PKP2: variants seen among roughly 807,000 people sequenced by gnomAD.
PKP2 encodes plakophilin-2.
A neutral mutation model predicts 83.4 loss-of-function variants in PKP2; 73 were observed. The observed-to-expected ratio is 0.88, with a 90% CI of 0.72 to 1.06. The LOEUF is 1.06. Ranked by LOEUF, PKP2 falls within the 50% of genes least tolerant of loss-of-function variation. PKP2 has a pLI of 0.00. For missense variants in PKP2, 966 were observed against 1,065.4 expected (o/e 0.91, Z 1.30); for synonymous variants, 409 against 430.4 (o/e 0.95, Z 0.62).
chr12:32,846,245 A>C (rs533753829), intron 5 of PKP2, among the ~76,000 whole-genome samples: 1 of 152,182 alleles, frequency 6.6e-6, no homozygotes, highest in South Asian at 2.1e-4. Context: ...TTGAAGATGA[A>C]CTTCTGAGAC....
intron 10 of PKP2, among the ~76,000 whole-genome samples, chr12:32,797,693 T>C (rs941831297): frequency 5.9e-5 from 9 of 151,322 alleles, no homozygotes; most frequent in African/African-American, 1.9e-4. Context: ...GTAGCTGGGA[T>C]TACAGGTGCC....
intron 1 of PKP2, among the ~76,000 whole-genome samples, chr12:32,885,136 C>T (rs560721047): frequency 9.2e-5 from 14 of 152,178 alleles, no homozygotes; most frequent in East Asian, 3.9e-4. Flanking sequence ...ATTGCGGGGG[C>T]GGGTAATGGT....
chr12:32,860,703 T>C (rs1019417882), intron 4 of PKP2, among the ~76,000 whole-genome samples: 6 of 152,164 alleles, frequency 3.9e-5, no homozygotes, highest in African/African-American at 1.4e-4. Flanking sequence ...ACTGCACATG[T>C]ATCCCAAAGC....
In PKP2 at chr12:32,878,296, G is replaced by A. The variant is rs1041783952; in HGVS notation, c.584C>T (p.Ala195Val). The A allele has an allele frequency of 2.5e-6, 4 of 1,613,586 alleles. No homozygotes were observed. The highest frequency in any genetic ancestry group is 3.4e-6 in the Non-Finnish European group (4 of 1,180,032). Reference protein sequence around the residue: ...RAALLVPPRYARSEIVGVSRA... With the variant: ...RAALLVPPRYVRSEIVGVSRA... ...GCTGACCCCCACGATCTCGGAACGAGCATATCTCGGTGGCACTAGGAGGGC... is the reference window on the plus strand; with the variant it reads ...GCTGACCCCCACGATCTCGGAACGAACATATCTCGGTGGCACTAGGAGGGC... The change falls in exon 3 of 13, where the codon GCT becomes GTT. Residue 195 changes from alanine (A) to valine (V), a missense_variant. Coordinates refer to ENST00000340811, the MANE Select transcript of PKP2 (RefSeq NM_001005242.3).
chr12:32,830,672 C>T (rs1009144613), intron 6 of PKP2, among the ~76,000 whole-genome samples: 13 of 152,026 alleles, frequency 8.6e-5, no homozygotes, highest in South Asian at 4.2e-4. Context: ...TTTGGGAGAC[C>T]GAGGTGGGCA....
chr12:32,816,549 A>G (rs1161048041), intron 9 of PKP2, among the ~76,000 whole-genome samples: 2 of 152,162 alleles, frequency 1.3e-5, no homozygotes, highest in African/African-American at 2.4e-5. Context: ...TGATGAACAT[A>G]TGAGTGCACG....
intron 10 of PKP2, among the ~76,000 whole-genome samples, chr12:32,799,752 G>C (rs1956162640): frequency 6.6e-6 from 1 of 152,194 alleles, no homozygotes; most frequent in African/African-American, 2.4e-5. Flanking sequence ...AAAGGAACAA[G>C]AGTTATATAA....
chr12:32,813,045 G>C (rs1194889265), intron 9 of PKP2, among the ~76,000 whole-genome samples: 1 of 152,104 alleles, frequency 6.6e-6, no homozygotes, highest in Non-Finnish European at 1.5e-5. Context: ...GAGCTTACTA[G>C]AGAAATAAAA....
intron 3 of PKP2, among the ~76,000 whole-genome samples, chr12:32,875,458 T>C (rs1360682071): frequency 6.6e-6 from 1 of 152,070 alleles, no homozygotes; most frequent in South Asian, 2.1e-4. Flanking sequence ...ATGGTGGTGA[T>C]GAATGGCAGA....
At chr12:32,816,900 C>G (rs1956325379) in intron 9 of PKP2, among the ~76,000 whole-genome samples, 1 of 152,082 alleles carries the variant, frequency 6.6e-6, no homozygotes, top group African/African-American at 2.4e-5. Context: ...TGAGAAATGT[C>G]TGTTCATGTC....
At position 32,878,169 on chromosome 12, in the gene PKP2, G is replaced by A. The variant is rs769383600; in HGVS notation, c.711C>T (p.Asn237=). ...GCCTGGGGTACGTGAGCAGGGCCGG[G>A]TTGGCAGGGATGCTGTCAAAAACGG... The part of the protein sequence containing the change: ...SDTVFDSIPA[N]PALLTYPRPG... The change falls in exon 3 of 13, where the codon AAC becomes AAT. Residue 237 remains asparagine, a synonymous_variant. Coordinates refer to ENST00000340811, the MANE Select transcript of PKP2 (RefSeq NM_001005242.3). 5 of 1,614,250 alleles carry A rather than the reference G, an allele frequency of 3.1e-6. No homozygotes were observed. The highest frequency in any genetic ancestry group is 4.2e-6 in the Non-Finnish European group (5 of 1,180,038).
rs749247141 is a variant in PKP2, at chr12:32,824,030, T to G, written c.1674+15A>C. The G allele has an allele frequency of 6.4e-5, 92 of 1,434,062 alleles. No homozygotes were observed. Among genetic ancestry groups the G allele is most frequent in the Non-Finnish European group, 8.6e-5 (88 of 1,017,782 alleles). The allele number at this position is 1,434,062 out of a possible 1,614,324, so 88.8% of individuals were successfully genotyped here. ...TCTTAGTAAGACAAAACAGGATATT[T>G]ATCTCTTGAATTACCTTGTCATCTG... On this transcript the variant is annotated intron_variant, in intron 7 of 12. Coordinates refer to ENST00000340811, the MANE Select transcript of PKP2 (RefSeq NM_001005242.3).
At chr12:32,836,091 C>T (rs994713) in intron 6 of PKP2, among the ~76,000 whole-genome samples, 2,807 of 152,314 alleles carry the variant, frequency 0.018, 43 homozygotes, top group Non-Finnish European at 0.027. Context: ...ATTTATTTTC[C>T]TCTCCTATCT....
chr12:32,846,477 G>A (rs1356176010), intron 5 of PKP2, among the ~76,000 whole-genome samples: 1 of 152,156 alleles, frequency 6.6e-6, no homozygotes, highest in East Asian at 1.9e-4. Context: ...CAGCACAGTG[G>A]CTCACGCCTG....
chr12:32,858,099 A>ATATATATTTATATATATTTTATATT (rs1956768788), intron 4 of PKP2, among the ~76,000 whole-genome samples: 2 of 97,284 alleles, frequency 2.1e-5, no homozygotes, highest in African/African-American at 8.4e-5. Flanking sequence ...ATATATATAT[A>ATATATATTTATATATATTTTATATT]TATATATATA....
intron 6 of PKP2, among the ~76,000 whole-genome samples, chr12:32,838,458 C>T (rs1956561734): frequency 6.7e-6 from 1 of 150,226 alleles, no homozygotes; most frequent in African/African-American, 2.4e-5. Flanking sequence ...CAAACCTGTA[C>T]ATGTACTTCC....
intron 4 of PKP2, among the ~76,000 whole-genome samples, chr12:32,868,537 T>G (rs933228905): frequency 1.3e-5 from 2 of 151,784 alleles, no homozygotes; most frequent in Non-Finnish European, 2.9e-5. Context: ...TTTCTTTTTT[T>G]TCTGAGATGG....
chr12:32,800,895 T>A (rs1956172368), intron 10 of PKP2, among the ~76,000 whole-genome samples: 3 of 152,222 alleles, frequency 2.0e-5, no homozygotes, highest in Admixed American at 6.5e-5. Flanking sequence ...TTTATTTCTC[T>A]AGATGTAAGT....
intron 6 of PKP2, among the ~76,000 whole-genome samples, chr12:32,835,440 A>G (rs1238283267): frequency 6.6e-6 from 1 of 152,178 alleles, no homozygotes; most frequent in African/African-American, 2.4e-5. Context: ...TAACTGCAAT[A>G]CATATTTTAA....
Sources: allele counts gnomAD v4.1 joint callset (sites outside exome capture counted in the v4.1 genomes callset), GRCh38; gene constraint gnomAD v4.1.1; transcripts MANE v1.5; gene names NCBI Gene and HGNC (gene_info 2026-07-23, HGNC 2026-07-21).